Variants in HECW2 observed in about 807,000 individuals in gnomAD.
HECW2 encodes HECT, C2 and WW domain containing E3 ubiquitin protein ligase 2.
A neutral mutation model predicts 175.2 loss-of-function variants in HECW2; 61 were observed. The ratio of observed to expected loss-of-function variants is 0.35; its 90% CI spans 0.28 to 0.43. HECW2 has a LOEUF of 0.43. Among genes scored for constraint, HECW2 ranks in the 20% least tolerant of loss-of-function variants. The pLI is 1.00. For missense variants in HECW2, 1,524 were observed against 2,000.5 expected (o/e 0.76, Z 4.54); for synonymous variants, 671 against 731.0 (o/e 0.92, Z 1.32).
At chr2:196,325,591 G>C (rs1303204039) in intron 5 of HECW2, among the ~76,000 whole-genome samples, 1 of 152,132 alleles carries the variant, frequency 6.6e-6, no homozygotes, top group Non-Finnish European at 1.5e-5. Flanking sequence ...GGGAAATACT[G>C]AGTAAGCAGT....
chr2:196,308,242 C>T (rs1043515505), intron 10 of HECW2, 157 bp from the exon 11 acceptor site: 7 of 459,600 alleles, frequency 1.5e-5, no homozygotes. Flanking sequence ...CTCCCCAGTT[C>T]ACTCCAGAAT....
At chr2:196,238,366 G>C (rs1454192058) in intron 21 of HECW2, 1 of 152,186 alleles carries the variant, frequency 6.6e-6, no homozygotes, top group Non-Finnish European at 1.5e-5. Context: ...TCATTTTCAT[G>C]TGATAGAGTC....
chr2:196,221,408 A>G (rs1356062297), intron 24 of HECW2, among the ~76,000 whole-genome samples: 1 of 152,192 alleles, frequency 6.6e-6, no homozygotes, highest in Non-Finnish European at 1.5e-5. Flanking sequence ...AAGAATATTA[A>G]TTATAAACTG....
At chr2:196,300,804 A>G (rs1022473613) in intron 13 of HECW2, among the ~76,000 whole-genome samples, 17 of 152,166 alleles carry the variant, frequency 1.1e-4, no homozygotes, top group African/African-American at 3.9e-4. Context: ...TTTTTTCTCC[A>G]GAAAGCCAGT....
At chr2:196,568,432 A>C (rs1575681116) in intron 1 of HECW2, among the ~76,000 whole-genome samples, 1 of 152,358 alleles carries the variant, frequency 6.6e-6, no homozygotes, top group East Asian at 1.9e-4. Context: ...GCACTAAGCC[A>C]AAAACTAGGA....
At chr2:196,429,335 C>A (rs911133568) in intron 2 of HECW2, among the ~76,000 whole-genome samples, 2 of 152,126 alleles carry the variant, frequency 1.3e-5, no homozygotes, top group Non-Finnish European at 2.9e-5. Context: ...GAAAATGGAC[C>A]CTTGTGGGGT....
intron 14 of HECW2, among the ~76,000 whole-genome samples, chr2:196,283,131 A>G (rs7578844): frequency 1 from 150,804 of 151,110 alleles, 75,251 homozygotes; most frequent in Middle Eastern, 1. Flanking sequence ...GCGTGGTGGC[A>G]GGCACCTGTA....
intron 1 of HECW2, among the ~76,000 whole-genome samples, chr2:196,517,360 A>G (rs910140493): frequency 6.6e-6 from 1 of 152,226 alleles, no homozygotes; most frequent in Non-Finnish European, 1.5e-5. Flanking sequence ...ATCACTTTCA[A>G]ACTAAATTAC....
intron 2 of HECW2, among the ~76,000 whole-genome samples, chr2:196,373,491 A>T (rs1027251480): frequency 2.0e-5 from 3 of 152,204 alleles, no homozygotes; most frequent in Admixed American, 1.3e-4. Flanking sequence ...AAACTGTAAC[A>T]ACTTGATTCA....
chr2:196,273,969 G>C, intron 16 of HECW2, 52 bp downstream of exon 16: 1 of 1,315,754 alleles, frequency 7.6e-7, no homozygotes, highest in East Asian at 2.3e-5. Flanking sequence ...AGTGTACATG[G>C]TACAGATAAT....
rs2305567 is a variant in HECW2, at chr2:196,308,092, G to A, written c.2435-7C>T. 1,169,617 of 1,563,254 alleles carry A rather than the reference G, an allele frequency of 0.75. 440,613 individuals are homozygous for A. The highest frequency in any genetic ancestry group is 0.96 in the East Asian group (41,996 of 43,938). On this transcript the variant is annotated splice_polypyrimidine_tract_variant and splice_region_variant and intron_variant, in intron 10 of 28. Coordinates refer to ENST00000644978, the MANE Select transcript of HECW2 (RefSeq NM_001348768.2). ...TCAATGCGTGCCTCCCAGTCTAAAT[G>A]GCAGTGAGGCACCGAAAGGAATTAG... is the stretch of plus-strand genomic sequence containing the variant.
In HECW2 at chr2:196,194,473, A is replaced by C. The variant is rs918528182; in HGVS notation, c.*6804T>G. 6.6e-6 allele frequency: 1 copy of C among 152,162 alleles called. No individual in the cohort carries two copies. The highest frequency in any genetic ancestry group is 2.4e-5 in the African/African-American group (1 of 41,450). The allele number at this position is 152,162 out of a possible 1,614,324, so 9.4% of individuals were successfully genotyped here. A position where few individuals can be genotyped will look rare whatever the true frequency, so the allele number is the denominator to read the frequency against. On this transcript the variant is annotated 3_prime_UTR_variant, in exon 29 of 29. Transcript: ENST00000644978. ...TATGAAAATAAAACAAATTGTACACATTAAAATATCTTTCCCTCAAAGCAT... is the reference window on the plus strand; with the variant it reads ...TATGAAAATAAAACAAATTGTACACCTTAAAATATCTTTCCCTCAAAGCAT...
At chr2:196,383,368 G>T (rs1374044744) in intron 2 of HECW2, among the ~76,000 whole-genome samples, 1 of 152,140 alleles carries the variant, frequency 6.6e-6, no homozygotes, top group Non-Finnish European at 1.5e-5. Flanking sequence ...GAAGATTGGG[G>T]ATGTAAGTGT....
rs748951495 is a variant in HECW2, at chr2:196,329,601, C to T, written c.545G>A (p.Arg182Gln). 72 of 1,613,400 alleles carry T rather than the reference C, an allele frequency of 4.5e-5. No homozygotes were observed. The highest frequency in any genetic ancestry group is 5.5e-5 in the Non-Finnish European group (65 of 1,179,576). The change falls in exon 5 of 29, where the codon CGA becomes CAA. Residue 182 changes from arginine (R) to glutamine (Q), a missense_variant. By Grantham distance (43) the Arg-to-Gln change is conservative. This residue lies in a region of HECW2 where 54 missense variants were observed against 46.8 expected (regional missense o/e 1.15). Coordinates refer to ENST00000644978, the MANE Select transcript of HECW2 (RefSeq NM_001348768.2). The part of the protein sequence containing the change: ...EGGASGNLHS[R>Q]KLVSFTLSDL... The stretch of plus-strand genomic sequence containing the variant: ...TGACAATGTAAAGCTAACAAGTTTT[C>T]GAGAATGCAGGTTTCCTGAAGCACC...
chr2:196,570,536 A>G (rs1162022783), intron 1 of HECW2, among the ~76,000 whole-genome samples: 1 of 151,522 alleles, frequency 6.6e-6, no homozygotes, highest in African/African-American at 2.4e-5. Flanking sequence ...GGAACATCAC[A>G]CCCCGGGGCC....
intron 20 of HECW2, among the ~76,000 whole-genome samples, chr2:196,240,969 T>C (rs997901013): frequency 1.3e-5 from 2 of 151,894 alleles, no homozygotes; most frequent in African/African-American, 4.8e-5. Context: ...AGACAAGGAA[T>C]TCAATTATTA....
intron 5 of HECW2, among the ~76,000 whole-genome samples, chr2:196,328,353 C>T (rs1010405664): frequency 3.9e-5 from 6 of 152,262 alleles, no homozygotes; most frequent in Middle Eastern, 3.4e-3. Flanking sequence ...TGGTTCCTAA[C>T]AAAACAAATT....
chr2:196,357,954 G>C (rs547605760), intron 2 of HECW2, among the ~76,000 whole-genome samples: 50 of 152,266 alleles, frequency 3.3e-4, no homozygotes, highest in African/African-American at 1.1e-3. Context: ...CTTTATAGTA[G>C]TGTGAAATGG....
At chr2:196,550,410 T>C (rs971386740) in intron 1 of HECW2, among the ~76,000 whole-genome samples, 1 of 150,942 alleles carries the variant, frequency 6.6e-6, no homozygotes, top group Non-Finnish European at 1.5e-5. Flanking sequence ...CTCTATGAAG[T>C]AGAAATGAGC....
Sources: gnomAD v4.1 joint callset for allele counts (sites outside exome capture counted in the v4.1 genomes callset) on GRCh38, gnomAD v4.1.1 for gene constraint, gnomAD v4.1.1 regional missense constraint, MANE v1.5 for transcripts, NCBI Gene and HGNC (gene_info 2026-07-23, HGNC 2026-07-21) for gene names.